The following SEMA3A variants were observed in gnomAD, a reference collection of about 807,000 sequenced individuals.
SEMA3A encodes semaphorin 3A, also known as semaphorin-3A.
A neutral mutation model predicts 97.9 loss-of-function variants in SEMA3A; 29 were observed. That is an observed-to-expected ratio of 0.30 (90% CI 0.22 to 0.40). The LOEUF (loss-of-function observed/expected upper bound fraction) is 0.40, where lower values mean the gene tolerates loss of function less well. Ranked by LOEUF, SEMA3A falls within the 10% of genes least tolerant of loss-of-function variation. SEMA3A has a pLI of 1.00. For synonymous variants in SEMA3A, 321 were observed against 323.7 expected (o/e 0.99, Z 0.09); for missense variants, 763 against 951.3 (o/e 0.80, Z 2.60).
At chr7:83,991,707 C>T (rs1401506551) in intron 12 of SEMA3A, among the ~76,000 whole-genome samples, 1 of 151,134 alleles carries the variant, frequency 6.6e-6, no homozygotes, top group Non-Finnish European at 1.5e-5. Flanking sequence ...TGATGTGCTG[C>T]TGGATTCGGT....
chr7:84,068,939 AAGTT>A (rs1458825542), intron 4 of SEMA3A, among the ~76,000 whole-genome samples: 3 of 152,116 alleles, frequency 2.0e-5, no homozygotes, highest in Non-Finnish European at 4.4e-5. Flanking sequence ...AATAAATACT[AAGTT>A]AGTCACCTCT....
chr7:83,962,964 TCCCCAAAC>T (rs1788530806), intron 16 of SEMA3A, among the ~76,000 whole-genome samples: 1 of 152,138 alleles, frequency 6.6e-6, no homozygotes, highest in Non-Finnish European at 1.5e-5. Context: ...CTAATATGTA[TCCCCAAAC>T]TGCTTCTGGG....
chr7:84,092,439 C>T (rs1339483688), intron 4 of SEMA3A, among the ~76,000 whole-genome samples: 2 of 152,046 alleles, frequency 1.3e-5, no homozygotes, highest in East Asian at 1.9e-4. Flanking sequence ...AGAAAACTGC[C>T]GCTGAACATC....
At chr7:84,446,116 T>C (rs1037571813) in intron 1 of SEMA3A, among the ~76,000 whole-genome samples, 11 of 152,132 alleles carry the variant, frequency 7.2e-5, no homozygotes, top group African/African-American at 2.7e-4. Flanking sequence ...GAATTGGACA[T>C]ACTCCTAGAA....
chr7:84,453,728 T>C (rs1054805914), intron 1 of SEMA3A, among the ~76,000 whole-genome samples: 3 of 152,226 alleles, frequency 2.0e-5, no homozygotes, highest in African/African-American at 7.2e-5. Context: ...TAATAAGTAC[T>C]CTGTAACTTA....
intron 3 of SEMA3A, among the ~76,000 whole-genome samples, chr7:84,256,699 T>G (rs148215261): frequency 6.6e-6 from 1 of 152,180 alleles, no homozygotes; most frequent in African/African-American, 2.4e-5. Context: ...CTCTGGTAAC[T>G]TTATCCCCTT....
At chr7:84,150,148 A>G (rs1329294223) in intron 1 of SEMA3A, among the ~76,000 whole-genome samples, 1 of 152,244 alleles carries the variant, frequency 6.6e-6, no homozygotes, top group East Asian at 1.9e-4. Flanking sequence ...ACTGGTAGGA[A>G]TTATTTTTTA....
intron 2 of SEMA3A, among the ~76,000 whole-genome samples, chr7:84,332,062 G>A (rs1801921903): frequency 6.6e-6 from 1 of 152,034 alleles, no homozygotes; most frequent in Non-Finnish European, 1.5e-5. Flanking sequence ...GGATTCAGTT[G>A]TCTTCCTCTT....
chr7:84,379,912 A>C (rs1051326873), intron 1 of SEMA3A, among the ~76,000 whole-genome samples: 4 of 152,190 alleles, frequency 2.6e-5, no homozygotes, highest in Admixed American at 6.5e-5. Flanking sequence ...AAATATAGTT[A>C]GATTTGTTTG....
chr7:84,335,966 C>T (rs1019733318), intron 2 of SEMA3A, among the ~76,000 whole-genome samples: 3 of 151,922 alleles, frequency 2.0e-5, no homozygotes, highest in African/African-American at 7.3e-5. Flanking sequence ...CTGTCCATTT[C>T]AACTCAGATT....
intron 11 of SEMA3A, among the ~76,000 whole-genome samples, chr7:84,004,405 A>C (rs1790582092): frequency 6.6e-6 from 1 of 152,126 alleles, no homozygotes; most frequent in Admixed American, 6.5e-5. Flanking sequence ...TACTTGAATC[A>C]ATTATGTTGT....
chr7:84,361,834 G>A (rs554357828), intron 2 of SEMA3A, among the ~76,000 whole-genome samples: 2 of 151,890 alleles, frequency 1.3e-5, no homozygotes, highest in African/African-American at 2.4e-5. Flanking sequence ...CAGAGGAGAC[G>A]GTGTCCTTCA....
At chr7:84,315,427 A>C (rs17158823) in intron 2 of SEMA3A, among the ~76,000 whole-genome samples, 2,686 of 152,274 alleles carry the variant, frequency 0.018, 77 homozygotes, top group African/African-American at 0.062. Flanking sequence ...CTCTATTTTT[A>C]AAATAGCAGG....
intron 6 of SEMA3A, among the ~76,000 whole-genome samples, chr7:84,020,573 C>T (rs538001950): frequency 6.6e-6 from 1 of 151,824 alleles, no homozygotes; most frequent in East Asian, 1.9e-4. Flanking sequence ...TTATAAGTTT[C>T]TTACTTACAA....
At chr7:84,487,238 G>A (rs762419426) in intron 1 of SEMA3A, among the ~76,000 whole-genome samples, 20 of 152,154 alleles carry the variant, frequency 1.3e-4, no homozygotes, top group Non-Finnish European at 2.8e-4. Flanking sequence ...CAGGTGGCCA[G>A]GAGTCTAACT....
intron 1 of SEMA3A, among the ~76,000 whole-genome samples, chr7:84,474,196 TC>T (rs1806221898): frequency 6.6e-6 from 1 of 152,200 alleles, no homozygotes; most frequent in African/African-American, 2.4e-5. Context: ...GAGAAAACAG[TC>T]TATTATTTTA....
intron 2 of SEMA3A, among the ~76,000 whole-genome samples, chr7:84,361,688 C>G (rs996368869): frequency 6.6e-6 from 1 of 151,948 alleles, no homozygotes; most frequent in African/African-American, 2.4e-5. Context: ...GGAACTTAAG[C>G]CTTCTGGAAA....
At chr7:84,166,463 C>T (rs1298655126) in intron 1 of SEMA3A, among the ~76,000 whole-genome samples, 1 of 151,080 alleles carries the variant, frequency 6.6e-6, no homozygotes, top group Non-Finnish European at 1.5e-5. Flanking sequence ...CCCAGCTACT[C>T]GGGAGCCTAA....
intron 6 of SEMA3A, among the ~76,000 whole-genome samples, chr7:84,037,235 G>C (rs1354994155): frequency 6.6e-6 from 1 of 151,540 alleles, no homozygotes; most frequent in South Asian, 2.1e-4. Context: ...ATTAATCAAT[G>C]AGAATAGCAA....
Sources: gnomAD v4.1 joint callset for allele counts (sites outside exome capture counted in the v4.1 genomes callset) on GRCh38, gnomAD v4.1.1 for gene constraint, MANE v1.5 for transcripts, NCBI Gene and HGNC (gene_info 2026-07-23, HGNC 2026-07-21) for gene names.